NCOR2: variants seen among roughly 807,000 people sequenced by gnomAD.
NCOR2 encodes the protein nuclear receptor corepressor 2.
Under a neutral mutation model 262.9 loss-of-function variants are expected in NCOR2, and 81 were observed. The observed-to-expected ratio is 0.31, with a 90% confidence interval of 0.26 to 0.37. The LOEUF is 0.37. Among genes scored for constraint, NCOR2 ranks in the 10% least tolerant of loss-of-function variants. The probability of loss-of-function intolerance (pLI) is 1.00; values close to 1 mark genes in which losing one functional copy is unlikely to be tolerated. For missense variants in NCOR2, 3,385 were observed against 3,621.4 expected, an observed-to-expected ratio of 0.93 and a Z score of 1.68; for synonymous variants, 1,659 against 1,559.3, an observed-to-expected ratio of 1.06 and a Z score of -1.51.
intron 31 of NCOR2, among the ~76,000 whole-genome samples, chr12:124,345,415 G>A (rs2036837285): frequency 6.6e-6 from 1 of 152,162 alleles, no homozygotes; most frequent in African/African-American, 2.4e-5. Context: ...CTGAGGTCAG[G>A]GCTGAGGTGT....
chr12:124,386,334 C>T (rs573395812), intron 16 of NCOR2, among the ~76,000 whole-genome samples: 19 of 152,148 alleles, frequency 1.2e-4, no homozygotes, highest in Admixed American at 6.5e-4. Flanking sequence ...GGCGAGGCCT[C>T]GGGAGACGGG....
chr12:124,341,874 G>A (rs1450083393), exon 34 of NCOR2: 2 of 1,611,714 alleles, frequency 1.2e-6, no homozygotes, highest in African/African-American at 2.7e-5. Context: ...CGGGGCGAGA[G>A]GCCCCTCAGC....
chr12:124,391,820 C>T (rs754592740), intron 16 of NCOR2, among the ~76,000 whole-genome samples: 49 of 152,244 alleles, frequency 3.2e-4, no homozygotes, highest in African/African-American at 1.0e-3. Context: ...ATAAAGTCAC[C>T]TGCATACGAC....
rs1593167441 is a variant in NCOR2, at chr12:124,350,502, C to T, written c.3844+85G>A. 4 of 1,526,160 alleles carry T rather than the reference C, an allele frequency of 2.6e-6. No homozygotes were observed. The East Asian group carries it at 9.1e-5, about 35-fold the overall frequency. The allele number at this position is 1,526,160 out of a possible 1,614,324, so 94.5% of individuals were successfully genotyped here. A position where few individuals can be genotyped will look rare whatever the true frequency, so the allele number is the denominator to read the frequency against. On this transcript the variant is annotated intron_variant, in intron 28 of 46. Transcript: ENST00000405201. ...CAGATTGTGCTTTCTGATGTCAATC[C>T]AGCCCTGCCTCCCTGTGAAGCTACC...
At position 124,475,724 on chromosome 12, in the gene NCOR2, C is replaced by T. The variant is rs180722542; in HGVS notation, c.412-2593G>A. 2.9e-4 allele frequency among the ~76,000 whole-genome samples: 44 copies of T among 152,342 alleles called. 2 individuals carry two copies. In the South Asian group the frequency reaches 2.9e-3, roughly 10 times the overall value. On this transcript the variant is annotated intron_variant, in intron 3 of 46. Coordinates refer to ENST00000405201, the Ensembl canonical transcript of NCOR2. Reference sequence around the variant, plus strand: ...TAATCCACGTAACCGTCATAACCACCGTGGGAAGTGGGATTTCTGTTTGAC... The same window carrying T: ...TAATCCACGTAACCGTCATAACCACTGTGGGAAGTGGGATTTCTGTTTGAC...
intron 3 of NCOR2, among the ~76,000 whole-genome samples, chr12:124,474,197 A>G (rs1017733667): frequency 6.6e-6 from 1 of 152,200 alleles, no homozygotes; most frequent in Admixed American, 6.5e-5. Flanking sequence ...CTCAGTCCAA[A>G]CACGCAAGTT....
At chr12:124,507,030 G>A (rs1442247950) in intron 1 of NCOR2, among the ~76,000 whole-genome samples, 4 of 152,186 alleles carry the variant, frequency 2.6e-5, no homozygotes, top group African/African-American at 9.6e-5. Context: ...GGCTAAGAAT[G>A]AACCAACAAC....
intron 34 of NCOR2, among the ~76,000 whole-genome samples, chr12:124,341,159 T>C (rs555285319): frequency 6.6e-6 from 1 of 152,326 alleles, no homozygotes; most frequent in South Asian, 2.1e-4. Context: ...TTTCTGAGGA[T>C]GGCCCTGGAA....
intron 16 of NCOR2, chr12:124,388,722 C>G (rs564495151): frequency 7.7e-7 from 1 of 1,304,334 alleles, no homozygotes; most frequent in South Asian, 1.2e-5. Flanking sequence ...CCAAGTTTTC[C>G]GGAAACATAG....
intron 16 of NCOR2, among the ~76,000 whole-genome samples, chr12:124,391,124 A>G (rs1172136023): frequency 1.3e-5 from 2 of 152,224 alleles, no homozygotes; most frequent in Non-Finnish European, 2.9e-5. Context: ...TGCCGCTCAG[A>G]TGCCTCCAAG....
chr12:124,372,200 C>T (rs1181115614), exon 20 of NCOR2: 4 of 1,601,544 alleles, frequency 2.5e-6, no homozygotes, highest in Non-Finnish European at 3.4e-6. Flanking sequence ...GCGTCCTTGC[C>T]CTTGGCCGGC....
At chr12:124,463,668 G>A (rs2046289064) in intron 5 of NCOR2, among the ~76,000 whole-genome samples, 1 of 152,242 alleles carries the variant, frequency 6.6e-6, no homozygotes, top group East Asian at 1.9e-4. Flanking sequence ...ATCTCTCCAG[G>A]AACCAGCAGG....
chr12:124,542,878 G>A (rs73425652), intron 1 of NCOR2: 11,145 of 152,422 alleles, frequency 0.073, 459 homozygotes, highest in East Asian at 0.1. Context: ...AGGGAGGCAG[G>A]CTCCGCAGCC....
At chr12:124,349,530 C>A (rs913091146) in intron 28 of NCOR2, among the ~76,000 whole-genome samples, 2 of 152,246 alleles carry the variant, frequency 1.3e-5, no homozygotes, top group Admixed American at 1.3e-4. Context: ...GACCGGTGGC[C>A]GCAGGGGAGT....
intron 7 of NCOR2, among the ~76,000 whole-genome samples, chr12:124,439,332 G>C (rs12830661): frequency 3.7e-4 from 41 of 109,608 alleles, no homozygotes; most frequent in East Asian, 6.3e-4. Flanking sequence ...CAGAGGGAGA[G>C]ACAGAGACCC....
chr12:124,477,885 A>G (rs1243919720), intron 3 of NCOR2, among the ~76,000 whole-genome samples: 1 of 152,230 alleles, frequency 6.6e-6, no homozygotes, highest in Non-Finnish European at 1.5e-5. Context: ...AGCTAGCGTG[A>G]AAGAGAAAAG....
In NCOR2 at chr12:124,519,089, T is replaced by TACACACACACACACATACAC. The variant is rs2050019364; in HGVS notation, c.-118+16475_-118+16476insGTGTATGTGTGTGTGTGTGT. 7.2e-5 allele frequency among the ~76,000 whole-genome samples: 7 copies of TACACACACACACACATACAC among 97,320 alleles called. No individual in the cohort carries two copies. In the South Asian group the frequency reaches 2.9e-3, roughly 40 times the overall value. The allele number at this position is 97,320 out of a possible 152,430, so 63.8% of individuals were successfully genotyped here. A position where few individuals can be genotyped will look rare whatever the true frequency, so the allele number is the denominator to read the frequency against. On this transcript the variant is annotated intron_variant, in intron 1 of 46. Coordinates refer to the NCOR2 transcript ENST00000404621. ...TAGAAAAGAAGACGTGGCCAAATAA[T>TACACACACACACACATACAC]ACACACACACACACACACACACACA... is the stretch of plus-strand genomic sequence containing the variant.
chr12:124,437,651 C>T (rs529610122), intron 8 of NCOR2, among the ~76,000 whole-genome samples: 1 of 152,328 alleles, frequency 6.6e-6, no homozygotes, highest in African/African-American at 2.4e-5. Context: ...GTGACCAGGG[C>T]TTAGCAACTA....
intron 20 of NCOR2, among the ~76,000 whole-genome samples, chr12:124,366,120 T>C (rs2048108): frequency 0.36 from 54,369 of 152,052 alleles, 12,370 homozygotes; most frequent in Middle Eastern, 0.53. Flanking sequence ...CAAATGTCTA[T>C]GCAGAAACCT....
Sources: allele counts gnomAD v4.1 joint callset (sites outside exome capture counted in the v4.1 genomes callset), GRCh38; gene constraint gnomAD v4.1.1; transcripts MANE v1.5; gene names NCBI Gene and HGNC (gene_info 2026-07-23, HGNC 2026-07-21).